The following ST6GALNAC3 variants were observed in gnomAD, a reference collection of about 807,000 sequenced individuals.
ST6GALNAC3 encodes alpha-N-acetylgalactosaminide alpha-2,6-sialyltransferase 3.
Under a neutral mutation model 32.7 loss-of-function variants are expected in ST6GALNAC3, and 25 were observed. The observed-to-expected ratio is 0.76, with a 90% CI of 0.56 to 1.07. ST6GALNAC3 has a LOEUF of 1.07. Ranked by LOEUF, ST6GALNAC3 falls within the 50% of genes least tolerant of loss-of-function variation. The pLI, the probability that ST6GALNAC3 is intolerant of heterozygous loss-of-function variation, is 0.00. For synonymous variants in ST6GALNAC3, 129 were observed against 133.1 expected (o/e 0.97, Z 0.21); for missense variants, 355 against 382.4 (o/e 0.93, Z 0.60).
At chr1:76,454,134 T>C (rs1386196580) in intron 3 of ST6GALNAC3, among the ~76,000 whole-genome samples, 1 of 152,126 alleles carries the variant, frequency 6.6e-6, no homozygotes, top group Non-Finnish European at 1.5e-5. Flanking sequence ...GTTTGGAATA[T>C]CTTTTTCCAC....
Position 76,630,891 on chromosome 1 carries a change from A to G in ST6GALNAC3, c.*2085A>G. Reference sequence around the variant, plus strand: ...GAGACAAATGTTAAAATTGCCATACAGACTGTTTTTCCCCCTGTTGTTTCA... The same window carrying G: ...GAGACAAATGTTAAAATTGCCATACGGACTGTTTTTCCCCCTGTTGTTTCA... On this transcript the variant is annotated 3_prime_UTR_variant, in exon 5 of 5. Coordinates refer to ENST00000328299, the MANE Select transcript of ST6GALNAC3 (RefSeq NM_152996.4). 1 of 985,692 alleles carries G rather than the reference A, an allele frequency of 1.0e-6. No homozygotes were observed. The highest frequency in any genetic ancestry group is 4.7e-5 in the South Asian group (1 of 21,286). The allele number at this position is 985,692 out of a possible 1,614,324, so 61.1% of individuals were successfully genotyped here. A position where few individuals can be genotyped will look rare whatever the true frequency, so the allele number is the denominator to read the frequency against.
chr1:76,473,817 A>G (rs1328554921), intron 3 of ST6GALNAC3, among the ~76,000 whole-genome samples: 1 of 152,182 alleles, frequency 6.6e-6, no homozygotes, highest in African/African-American at 2.4e-5. Context: ...CTCCTATTGA[A>G]TCTGAGCCAG....
At chr1:76,404,178 C>A (rs1448362279) in intron 2 of ST6GALNAC3, among the ~76,000 whole-genome samples, 1 of 152,064 alleles carries the variant, frequency 6.6e-6, no homozygotes, top group African/African-American at 2.4e-5. Context: ...ATGCCACATC[C>A]CAAATCCACA....
chr1:76,206,539 C>G (rs1004829413), intron 1 of ST6GALNAC3, among the ~76,000 whole-genome samples: 3 of 152,116 alleles, frequency 2.0e-5, no homozygotes, highest in Non-Finnish European at 4.4e-5. Context: ...ACCATCCTGG[C>G]CAACATGGTG....
chr1:76,581,459 T>A (rs1320003679), intron 3 of ST6GALNAC3, among the ~76,000 whole-genome samples: 1 of 152,188 alleles, frequency 6.6e-6, no homozygotes, highest in Non-Finnish European at 1.5e-5. Context: ...ATGTCATATG[T>A]CTGTGTTCAC....
intron 3 of ST6GALNAC3, among the ~76,000 whole-genome samples, chr1:76,438,342 G>A (rs1017026892): frequency 4.0e-5 from 6 of 151,706 alleles, no homozygotes; most frequent in Non-Finnish European, 7.4e-5. Flanking sequence ...TAGTAGAGAC[G>A]GGGTTTCACC....
At position 76,306,668 on chromosome 1, in the gene ST6GALNAC3, GTT is replaced by G. The variant is rs148373222; in HGVS notation, c.19-7127_19-7126del. On this transcript the variant is annotated intron_variant, in intron 1 of 4. Transcript: ENST00000328299. ...TCTGAGGAACTTTTTTCCCAAAGGA[GTT>G]TTTTTTTTTGGGGGGCGGGGGGTGC... Among the ~76,000 whole-genome samples the G allele has an allele frequency of 3.2e-3, 458 of 145,312 alleles. 3 individuals carry two copies. The highest frequency in any genetic ancestry group is 7.0e-3 in the South Asian group (32 of 4,558).
chr1:76,247,209 C>T (rs72998538), intron 1 of ST6GALNAC3, among the ~76,000 whole-genome samples: 2,101 of 152,242 alleles, frequency 0.014, 26 homozygotes, highest in Middle Eastern at 0.051. Flanking sequence ...TAATGCTAGC[C>T]GGATCTCTCC....
intron 3 of ST6GALNAC3, among the ~76,000 whole-genome samples, chr1:76,521,323 A>G (rs1662523017): frequency 6.6e-6 from 1 of 151,940 alleles, no homozygotes; most frequent in Admixed American, 6.6e-5. Flanking sequence ...GCGTACATAC[A>G]TGCATATACA....
At chr1:76,419,910 C>T (rs1318018785) in intron 3 of ST6GALNAC3, among the ~76,000 whole-genome samples, 2 of 149,282 alleles carry the variant, frequency 1.3e-5, no homozygotes, top group Non-Finnish European at 3.0e-5. Flanking sequence ...CTTTTTCTTT[C>T]TTTCTTTTGT....
chr1:76,558,659 C>T (rs745995210), intron 3 of ST6GALNAC3, among the ~76,000 whole-genome samples: 2 of 152,094 alleles, frequency 1.3e-5, no homozygotes, highest in Non-Finnish European at 2.9e-5. Context: ...ATGCTAACTA[C>T]CTGAATAACA....
chr1:76,215,208 A>G (rs994837496), intron 1 of ST6GALNAC3, among the ~76,000 whole-genome samples: 5 of 152,196 alleles, frequency 3.3e-5, no homozygotes, highest in Non-Finnish European at 7.3e-5. Flanking sequence ...GCTGAATACA[A>G]TCCTTAAAAG....
chr1:76,200,528 T>C (rs1654457482), intron 1 of ST6GALNAC3, among the ~76,000 whole-genome samples: 1 of 152,170 alleles, frequency 6.6e-6, no homozygotes. Flanking sequence ...TGAAATAACC[T>C]ATATTGCTTA....
chr1:76,600,615 C>T (rs1647209476), intron 3 of ST6GALNAC3, among the ~76,000 whole-genome samples: 1 of 152,188 alleles, frequency 6.6e-6, no homozygotes, highest in African/African-American at 2.4e-5. Flanking sequence ...TATTCCAACC[C>T]TGTGGTTATG....
chr1:76,098,606 T>G (rs1363248543), intron 1 of ST6GALNAC3, among the ~76,000 whole-genome samples: 1 of 139,378 alleles, frequency 7.2e-6, no homozygotes, highest in Non-Finnish European at 1.6e-5. Flanking sequence ...TTTTCCCCAT[T>G]TAAAAAAATG....
chr1:76,509,949 G>T lies in ST6GALNAC3; in HGVS notation c.623+97532G>T, dbSNP rs1245855446. 6.6e-6 allele frequency among the ~76,000 whole-genome samples: 1 copy of T among 152,268 alleles called. No homozygotes were observed. Among genetic ancestry groups the T allele is most frequent in the South Asian group, 2.1e-4 (1 of 4,824 alleles). ...ACATATTCACAGGTTTCAAGTATTA[G>T]AGTGGGGATATCTTTAGGGAGCTAT... On this transcript the variant is annotated intron_variant, in intron 3 of 4. Coordinates refer to ENST00000328299, the MANE Select transcript of ST6GALNAC3 (RefSeq NM_152996.4). This position sits in a 1 kb window ranked among gnomAD's most constrained non-coding sequence, Gnocchi z 5.5.
chr1:76,326,596 A>T (rs1647074894), intron 2 of ST6GALNAC3, among the ~76,000 whole-genome samples: 1 of 152,146 alleles, frequency 6.6e-6, no homozygotes, highest in Non-Finnish European at 1.5e-5. Flanking sequence ...GCTAAAAAAG[A>T]CTATGAATGT....
chr1:76,224,598 G>A (rs1255810448), intron 1 of ST6GALNAC3, among the ~76,000 whole-genome samples: 1 of 152,154 alleles, frequency 6.6e-6, no homozygotes, highest in Admixed American at 6.5e-5. Flanking sequence ...TCAACACAGA[G>A]TATAACAAAT....
intron 1 of ST6GALNAC3, among the ~76,000 whole-genome samples, chr1:76,157,984 G>C (rs1024814763): frequency 6.6e-6 from 1 of 152,144 alleles, no homozygotes; most frequent in African/African-American, 2.4e-5. Flanking sequence ...TGATGCTAGC[G>C]TCAACCCAAG....
Sources: gnomAD v4.1 joint callset for allele counts (sites outside exome capture counted in the v4.1 genomes callset) on GRCh38, gnomAD v4.1.1 for gene constraint, Gnocchi (gnomAD v3.1) non-coding constraint, MANE v1.5 for transcripts, NCBI Gene and HGNC (gene_info 2026-07-23, HGNC 2026-07-21) for gene names.